The following ZHX3 variants were observed in gnomAD, a reference collection of about 807,000 sequenced individuals.
ZHX3 encodes zinc fingers and homeoboxes protein 3.
Under a neutral mutation model 64.5 loss-of-function variants are expected in ZHX3, and 20 were observed. That is an observed-to-expected ratio of 0.31 (90% CI 0.22 to 0.45). The LOEUF (loss-of-function observed/expected upper bound fraction) is 0.45. Ranked by LOEUF, ZHX3 falls within the 20% of genes least tolerant of loss-of-function variation. ZHX3 has a pLI of 1.00. For missense variants in ZHX3, 1,041 were observed against 1,195.8 expected (o/e 0.87, Z 1.91); for synonymous variants, 423 against 461.6 (o/e 0.92, Z 1.07).
At chr20:41,279,782 C>T (rs781569340) in intron 1 of ZHX3, among the ~76,000 whole-genome samples, 9 of 151,942 alleles carry the variant, frequency 5.9e-5, no homozygotes, top group Non-Finnish European at 8.8e-5. Flanking sequence ...AATACTAAGA[C>T]GTAAAGGAAA....
chr20:41,272,152 T>C (rs1324505942), intron 1 of ZHX3: 10 of 152,106 alleles, frequency 6.6e-5, no homozygotes, highest in Admixed American at 2.6e-4. Context: ...TTTCAACAAA[T>C]AAAAATGAAA....
chr20:41,193,439 T>G (rs748068298), intron 3 of ZHX3, among the ~76,000 whole-genome samples: 1 of 152,170 alleles, frequency 6.6e-6, no homozygotes, highest in African/African-American at 2.4e-5. Flanking sequence ...ATTTTTAAAA[T>G]TTTCTTTTCA....
chr20:41,198,131 A>C (rs2037911618), intron 3 of ZHX3, among the ~76,000 whole-genome samples: 1 of 151,466 alleles, frequency 6.6e-6, no homozygotes, highest in African/African-American at 2.4e-5. Flanking sequence ...CAGCCTCCCA[A>C]GTAGCTGGGA....
chr20:41,288,016 G>A (rs1224691167), intron 1 of ZHX3, among the ~76,000 whole-genome samples: 15 of 152,082 alleles, frequency 9.9e-5, no homozygotes, highest in Non-Finnish European at 2.2e-4. Context: ...AGTAAAGCAA[G>A]GACTTCATTT....
chr20:41,185,057 A>C lies in ZHX3; in HGVS notation c.*134T>G, dbSNP rs1222841591. On this transcript the variant is annotated 3_prime_UTR_variant, in exon 4 of 4. Coordinates refer to ENST00000683867, the MANE Select transcript of ZHX3 (RefSeq NM_001384317.1). The surrounding 1 kb of genome is among the most constrained non-coding windows in gnomAD (Gnocchi z 5.0). ...GGCAGGCTCTGGGCTGTCTGCGAGGATTCTGGAAGCTCTCCCAGGTGCCCA... is the reference window on the plus strand; with the variant it reads ...GGCAGGCTCTGGGCTGTCTGCGAGGCTTCTGGAAGCTCTCCCAGGTGCCCA... 6.4e-7 allele frequency: 1 copy of C among 1,552,932 alleles called. No homozygotes were observed. The highest frequency in any genetic ancestry group is 8.7e-7 in the Non-Finnish European group (1 of 1,147,506).
intron 2 of ZHX3, among the ~76,000 whole-genome samples, chr20:41,222,025 C>T (rs137973683): frequency 3.2e-4 from 48 of 152,272 alleles, no homozygotes; most frequent in Middle Eastern, 6.8e-3. Flanking sequence ...AGAAGGTTGG[C>T]GTCATCCGAC....
At chr20:41,238,633 AAAC>A (rs2041170006) in intron 2 of ZHX3, 1 of 152,194 alleles carries the variant, frequency 6.6e-6, no homozygotes, top group Non-Finnish European at 1.5e-5. Flanking sequence ...TATTTCATCA[AAAC>A]AAGATAAATT....
chr20:41,262,856 A>G (rs1600549343), intron 2 of ZHX3, among the ~76,000 whole-genome samples: 2 of 152,252 alleles, frequency 1.3e-5, no homozygotes, highest in East Asian at 3.8e-4. Context: ...TAGATAAGGA[A>G]TAGGAAGAGA....
At chr20:41,227,096 A>G (rs967112570) in intron 2 of ZHX3, among the ~76,000 whole-genome samples, 6 of 152,130 alleles carry the variant, frequency 3.9e-5, no homozygotes, top group Non-Finnish European at 5.9e-5. Flanking sequence ...TCCCCTTCCA[A>G]TCTTATGCTG....
At chr20:41,241,404 A>C (rs2041372023) in intron 2 of ZHX3, among the ~76,000 whole-genome samples, 1 of 152,150 alleles carries the variant, frequency 6.6e-6, no homozygotes, top group South Asian at 2.1e-4. Flanking sequence ...TATTCTGATT[A>C]TTAATCCTTT....
intron 3 of ZHX3, among the ~76,000 whole-genome samples, chr20:41,187,651 C>T (rs1249455362): frequency 6.6e-6 from 1 of 152,136 alleles, no homozygotes; most frequent in Non-Finnish European, 1.5e-5. Flanking sequence ...TATGCCAGTA[C>T]CACACTGTTT....
At chr20:41,190,828 C>G (rs867001919) in intron 3 of ZHX3, among the ~76,000 whole-genome samples, 21 of 152,140 alleles carry the variant, frequency 1.4e-4, no homozygotes, top group Non-Finnish European at 2.5e-4. Context: ...CCTTGGCTTA[C>G]TTTTTTTCCC....
intron 3 of ZHX3, chr20:41,196,730 A>T: frequency 5.3e-6 from 1 of 189,872 alleles, no homozygotes; most frequent in Admixed American, 5.0e-5. Flanking sequence ...CTGATCCCAA[A>T]GTGAAGGCTT....
intron 2 of ZHX3, among the ~76,000 whole-genome samples, chr20:41,249,878 A>C (rs746265288): frequency 6.6e-6 from 1 of 151,938 alleles, no homozygotes; most frequent in Non-Finnish European, 1.5e-5. Flanking sequence ...TTATGACCAC[A>C]CCCCCATTCA....
At chr20:41,305,732 C>T (rs1360182199) in intron 1 of ZHX3, among the ~76,000 whole-genome samples, 5 of 149,618 alleles carry the variant, frequency 3.3e-5, no homozygotes, top group South Asian at 2.1e-4. Flanking sequence ...TGCAGTGAGC[C>T]GAGATCGCGC....
chr20:41,286,887 T>C (rs1048173542), intron 1 of ZHX3, among the ~76,000 whole-genome samples: 2 of 152,166 alleles, frequency 1.3e-5, no homozygotes, highest in African/African-American at 4.8e-5. Flanking sequence ...TACCTGATTA[T>C]TTAAAAGTGG....
rs2036234036 is a variant in ZHX3 at position 41,181,066 on chromosome 20, G to T, written c.*4125C>A. 1 of 152,282 alleles carries T rather than the reference G, an allele frequency of 6.6e-6. No individual in the cohort carries two copies. 9.4% of individuals were successfully genotyped at this position (152,282 alleles called of 1,614,324 possible). A position where few individuals can be genotyped will look rare whatever the true frequency, so the allele number is the denominator to read the frequency against. On this transcript the variant is annotated 3_prime_UTR_variant, in exon 4 of 4. Coordinates refer to ENST00000683867, the MANE Select transcript of ZHX3 (RefSeq NM_001384317.1). Reference sequence around the variant, plus strand: ...CATGGGAGTAGCCCCCCGTGGTCTGGGCAGGCTGGCTGAGAGAGGTCTGTG... The same window carrying T: ...CATGGGAGTAGCCCCCCGTGGTCTGTGCAGGCTGGCTGAGAGAGGTCTGTG...
In ZHX3 at chr20:41,180,924, T is replaced by G. The variant is rs1276740383; in HGVS notation, c.*4267A>C. On this transcript the variant is annotated 3_prime_UTR_variant, in exon 4 of 4. Transcript: ENST00000683867. ...CAGAGAAAACTACATGGTGGGTAGA[T>G]GAGGTTGAAGCCTTGCTTGGGGAAG... The G allele has an allele frequency of 1.3e-5, 2 of 152,214 alleles. No homozygotes were observed. The highest frequency in any genetic ancestry group is 2.9e-5 in the Non-Finnish European group (2 of 68,084). The allele number at this position is 152,214 out of a possible 1,614,324, so 9.4% of individuals were successfully genotyped here.
At chr20:41,239,575 T>C (rs1008921607) in intron 2 of ZHX3, 1 of 152,368 alleles carries the variant, frequency 6.6e-6, no homozygotes, top group Non-Finnish European at 1.5e-5. Context: ...GGTTAATCAC[T>C]GTGCAACAGG....
Sources: gnomAD v4.1 joint callset for allele counts (sites outside exome capture counted in the v4.1 genomes callset) on GRCh38, gnomAD v4.1.1 for gene constraint, Gnocchi (gnomAD v3.1) non-coding constraint, MANE v1.5 for transcripts, NCBI Gene and HGNC (gene_info 2026-07-23, HGNC 2026-07-21) for gene names.